XKRX: variants seen among roughly 807,000 people sequenced by gnomAD.
XKRX encodes the protein XK-related protein 2.
XKRX carries 11 observed loss-of-function variants against 22.4 expected under a neutral mutation model. That is an observed-to-expected ratio of 0.49 (90% CI 0.31 to 0.81). The LOEUF (loss-of-function observed/expected upper bound fraction) is 0.81, where lower values mean the gene tolerates loss of function less well. XKRX is among the 40% of genes least tolerant of loss of function. XKRX has a pLI of 0.05. For missense variants in XKRX, 320 were observed against 336.5 expected, an observed-to-expected ratio of 0.95 and a Z score of 0.38; for synonymous variants, 114 against 132.2, an observed-to-expected ratio of 0.86 and a Z score of 0.94.
chrX:100,911,443 C>G (rs2085406795), downstream of XKRX: 9 of 887,637 alleles, frequency 1.0e-5, no homozygotes, highest in Non-Finnish European at 1.5e-5. Flanking sequence ...CCCAGGTTAC[C>G]AACAATCCTG....
the XKRX span, among the ~76,000 whole-genome samples, chrX:100,899,508 C>G: frequency 2.7e-5 from 3 of 112,360 alleles, no homozygotes; most frequent in African/African-American, 9.7e-5. Flanking sequence ...GAGTGGGACC[C>G]TGTCTCAAAA....
chrX:100,893,161 T>C, the XKRX span, among the ~76,000 whole-genome samples: 6 of 112,051 alleles, frequency 5.4e-5, no homozygotes, highest in South Asian at 3.8e-4. Flanking sequence ...GAATAGTGAC[T>C]ACTAGGGACT....
the XKRX span, among the ~76,000 whole-genome samples, chrX:100,956,101 T>C: frequency 9.0e-6 from 1 of 111,487 alleles, no homozygotes; most frequent in Admixed American, 9.6e-5. Flanking sequence ...CAAACTAATG[T>C]AGGAACAGAA....
the XKRX span, among the ~76,000 whole-genome samples, chrX:100,901,158 G>C: frequency 1.8e-5 from 2 of 111,207 alleles, no homozygotes; most frequent in Non-Finnish European, 3.8e-5. Flanking sequence ...CCATTGGTTT[G>C]TGTGTATGTA....
rs1213890949 is a variant in XKRX, at chrX:100,922,819, A to G, written c.578T>C (p.Ile193Thr). 13 of 1,209,489 alleles carry G rather than the reference A, an allele frequency of 1.1e-5. No individual in the cohort carries two copies. The highest frequency in any genetic ancestry group is 1.3e-5 in the Non-Finnish European group (12 of 895,122). Reference protein sequence around the residue: ...QLTYQLYVSLISAEVPLGRVV... With the variant: ...QLTYQLYVSLTSAEVPLGRVV... ...TCTACCCAGGGGAACCTCTGCAGAG[A>G]TCAGGCTCACATAGAGCTGATAGGT... The change falls in exon 2 of 3, where the codon ATC becomes ACC. Residue 193 changes from isoleucine to threonine, a missense_variant. Physicochemically the swap from Ile to Thr is moderately conservative, Grantham distance 89 (BLOSUM62 -1). Transcript: ENST00000372956.
At chrX:100,906,957 C>A in the XKRX span, among the ~76,000 whole-genome samples, 1 of 111,572 alleles carries the variant, frequency 9.0e-6, no homozygotes, top group African/African-American at 3.3e-5. Flanking sequence ...GGGATTACAC[C>A]AGGCACACCT....
At chrX:100,922,196 G>A (rs1291344157) in intron 2 of XKRX, among the ~76,000 whole-genome samples, 2 of 111,108 alleles carry the variant, frequency 1.8e-5, no homozygotes, top group Non-Finnish European at 3.8e-5. Flanking sequence ...GTTCCCAAAT[G>A]TGGCTGATCA....
chrX:100,889,486 G>A, the XKRX span, among the ~76,000 whole-genome samples: 8 of 109,830 alleles, frequency 7.3e-5, no homozygotes, highest in East Asian at 8.6e-4. Context: ...ATCTTCCTGC[G>A]TCAGCCTTGC....
chrX:100,953,905 A>G, the XKRX span, among the ~76,000 whole-genome samples: 3 of 6,515 alleles, frequency 4.6e-4, no homozygotes, highest in Admixed American at 1.4e-3. Context: ...TGAGACTCTA[A>G]AAAAAAAAAA....
the XKRX span, chrX:100,957,159 C>T: frequency 1.9e-5 from 21 of 1,100,179 alleles, no homozygotes; most frequent in Non-Finnish European, 2.6e-5. Flanking sequence ...TGTGGAGCAG[C>T]AGCTGGTTCA....
chrX:100,925,977 T>A (rs1015730132), intron 1 of XKRX, among the ~76,000 whole-genome samples: 6 of 111,950 alleles, frequency 5.4e-5, no homozygotes, highest in African/African-American at 1.3e-4. Flanking sequence ...CAATACTGGG[T>A]CTGAATTCCA....
At chrX:100,906,935 A>G in the XKRX span, among the ~76,000 whole-genome samples, 1 of 111,616 alleles carries the variant, frequency 9.0e-6, no homozygotes, top group South Asian at 3.8e-4. Context: ...CTTTTCTCTT[A>G]TAAGGATCCT....
At chrX:100,904,464 C>T in the XKRX span, among the ~76,000 whole-genome samples, 3 of 112,142 alleles carry the variant, frequency 2.7e-5, no homozygotes, top group African/African-American at 9.7e-5. Flanking sequence ...AGATACAATA[C>T]CAAAGGTATG....
At chrX:100,955,016 C>T in the XKRX span, among the ~76,000 whole-genome samples, 1 of 111,588 alleles carries the variant, frequency 9.0e-6, no homozygotes, top group East Asian at 2.8e-4. Flanking sequence ...CTTTAATATA[C>T]TAAAAAACGA....
chrX:100,956,795 A>C, the XKRX span: 1 of 567,751 alleles, frequency 1.8e-6, no homozygotes, highest in Non-Finnish European at 3.2e-6. Context: ...AACTTCAGGG[A>C]GGTTTGTATT....
At chrX:100,902,179 T>G in the XKRX span, among the ~76,000 whole-genome samples, 1 of 111,752 alleles carries the variant, frequency 8.9e-6, no homozygotes, top group Non-Finnish European at 1.9e-5. Context: ...TCTAAATAAC[T>G]CACAGGTCAA....
chrX:100,898,702 T>C, the XKRX span, among the ~76,000 whole-genome samples: 1 of 110,675 alleles, frequency 9.0e-6, no homozygotes, highest in East Asian at 2.8e-4. Flanking sequence ...ACCATCAGAC[T>C]CCACATAAGC....
At chrX:100,931,037 C>G (rs894723430), upstream of XKRX, among the ~76,000 whole-genome samples, 2 of 109,016 alleles carry the variant, frequency 1.8e-5, no homozygotes, top group African/African-American at 6.7e-5. Context: ...GAGGCTGAGG[C>G]AGGACAACCC....
chrX:100,897,593 ATGTGTGTG>A, the XKRX span, among the ~76,000 whole-genome samples: 27,316 of 66,298 alleles, frequency 0.41, 4,864 homozygotes, highest in Admixed American at 0.51. Flanking sequence ...AAATATATAT[ATGTGTGTG>A]TGTGTGTGTG....
Sources: gnomAD v4.1 joint callset for allele counts (sites outside exome capture counted in the v4.1 genomes callset) on GRCh38, gnomAD v4.1.1 for gene constraint, MANE v1.5 for transcripts, NCBI Gene and HGNC (gene_info 2026-07-23, HGNC 2026-07-21) for gene names.